Variants in KCNIP4 observed in about 807,000 individuals in gnomAD.
KCNIP4 encodes the protein potassium voltage-gated channel interacting protein 4.
Under a neutral mutation model 34.0 loss-of-function variants are expected in KCNIP4, and 12 were observed. The observed-to-expected ratio is 0.35, with a 90% CI of 0.23 to 0.57. The LOEUF (loss-of-function observed/expected upper bound fraction) is 0.57. Ranked by LOEUF, KCNIP4 falls within the 20% of genes least tolerant of loss-of-function variation. KCNIP4 has a pLI of 0.83. For synonymous variants in KCNIP4, 124 were observed against 102.2 expected, an observed-to-expected ratio of 1.21 and a Z score of -1.29; for missense variants, 238 against 311.7, an observed-to-expected ratio of 0.76 and a Z score of 1.78.
intron 1 of KCNIP4, among the ~76,000 whole-genome samples, chr4:21,782,794 A>C (rs1309614684): frequency 6.6e-6 from 1 of 152,252 alleles, no homozygotes; most frequent in African/African-American, 2.4e-5. Flanking sequence ...TGAACAGTTA[A>C]ACAAATTGCA....
intron 1 of KCNIP4, among the ~76,000 whole-genome samples, chr4:21,389,249 G>C (rs35627259): frequency 6.6e-6 from 1 of 151,920 alleles, no homozygotes; most frequent in Non-Finnish European, 1.5e-5. Context: ...CCAAAGTGCC[G>C]GGATTACAAG....
At chr4:21,022,942 C>T (rs1347342610) in intron 1 of KCNIP4, among the ~76,000 whole-genome samples, 1 of 152,116 alleles carries the variant, frequency 6.6e-6, no homozygotes, top group African/African-American at 2.4e-5. Context: ...TCCGCCTCAG[C>T]CTCCTGAGTA....
intron 1 of KCNIP4, among the ~76,000 whole-genome samples, chr4:21,135,132 A>C (rs776343760): frequency 6.6e-6 from 1 of 152,216 alleles, no homozygotes; most frequent in African/African-American, 2.4e-5. Flanking sequence ...CAAAATGGAC[A>C]TTTTAGAAAA....
At chr4:21,103,070 G>A (rs934731149) in intron 1 of KCNIP4, among the ~76,000 whole-genome samples, 1 of 151,720 alleles carries the variant, frequency 6.6e-6, no homozygotes, top group Non-Finnish European at 1.5e-5. Flanking sequence ...TTACTGGTAG[G>A]GCTTTTAAAA....
chr4:21,558,526 C>T (rs1400105293), intron 1 of KCNIP4, among the ~76,000 whole-genome samples: 2 of 88,870 alleles, frequency 2.3e-5, no homozygotes, highest in Non-Finnish European at 5.1e-5. Context: ...ATAAATAAAA[C>T]AAAATAAATG....
At chr4:21,067,429 T>G (rs1000791473) in intron 1 of KCNIP4, among the ~76,000 whole-genome samples, 3 of 151,830 alleles carry the variant, frequency 2.0e-5, no homozygotes, top group African/African-American at 7.3e-5. Context: ...TCAGTTACAG[T>G]GAGATAGAGT....
intron 1 of KCNIP4, among the ~76,000 whole-genome samples, chr4:21,091,871 T>A (rs1747027038): frequency 6.6e-6 from 1 of 152,164 alleles, no homozygotes; most frequent in South Asian, 2.1e-4. Context: ...ATTATCACAT[T>A]GAAGGTTTGA....
intron 1 of KCNIP4, among the ~76,000 whole-genome samples, chr4:21,107,966 T>C (rs6813263): frequency 0.017 from 2,616 of 151,524 alleles, 178 homozygotes; most frequent in African/African-American, 0.06. Flanking sequence ...TGCCGAGAAA[T>C]CTGCTGTTAG....
chr4:21,828,106 T>A (rs1722776116), intron 1 of KCNIP4, among the ~76,000 whole-genome samples: 2 of 150,660 alleles, frequency 1.3e-5, no homozygotes. Flanking sequence ...CTATTAATAG[T>A]ATGAGAAAAT....
At chr4:20,936,628 C>T (rs1731093872) in intron 1 of KCNIP4, among the ~76,000 whole-genome samples, 1 of 152,078 alleles carries the variant, frequency 6.6e-6, no homozygotes, top group Admixed American at 6.6e-5. Context: ...TCAGACTGTA[C>T]AATACTCTCC....
intron 3 of KCNIP4, among the ~76,000 whole-genome samples, chr4:20,806,646 A>G (rs1005695867): frequency 6.6e-6 from 1 of 152,114 alleles, no homozygotes; most frequent in Non-Finnish European, 1.5e-5. Context: ...GTTGGGAGGT[A>G]AAACAGAACC....
chr4:21,683,569 C>T lies in KCNIP4; in HGVS notation c.61+265002G>A, dbSNP rs1428251271. On this transcript the variant is annotated intron_variant, in intron 1 of 8. Transcript: ENST00000382152. ...CTGCAAGCTCCACCTCCCGGGTTCA[C>T]GCCATTCTCCTGCCTCAGCCTCCCA... Among the ~76,000 whole-genome samples the T allele has an allele frequency of 2.7e-5, 4 of 146,792 alleles. No homozygotes were observed. The South Asian group carries it at 6.5e-4, about 24-fold the overall frequency.
intron 1 of KCNIP4, among the ~76,000 whole-genome samples, chr4:21,356,614 G>A (rs981376584): frequency 2.6e-5 from 4 of 152,142 alleles, no homozygotes; most frequent in South Asian, 2.1e-4. Flanking sequence ...TGCAAGGGAT[G>A]TGAAGGACCT....
At chr4:20,974,897 A>C (rs1246408236) in intron 1 of KCNIP4, among the ~76,000 whole-genome samples, 1 of 152,244 alleles carries the variant, frequency 6.6e-6, no homozygotes, top group Non-Finnish European at 1.5e-5. Flanking sequence ...TATGATGACT[A>C]TGCAAAGCAA....
chr4:21,864,368 G>C lies in KCNIP4; in HGVS notation c.61+84203C>G, dbSNP rs138661115. ...ATCACATTTTATTTTGTCTCATACTGATACAAACATGCTTCTCCATAACAA... is the reference window on the plus strand; with the variant it reads ...ATCACATTTTATTTTGTCTCATACTCATACAAACATGCTTCTCCATAACAA... On this transcript the variant is annotated intron_variant, in intron 1 of 8. Coordinates refer to ENST00000382152, the MANE Select transcript of KCNIP4 (RefSeq NM_025221.6). 8.7e-3 allele frequency among the ~76,000 whole-genome samples: 1,323 copies of C among 152,236 alleles called. 15 individuals are homozygous for C. The highest frequency in any genetic ancestry group is 0.032 in the South Asian group (155 of 4,830).
intron 1 of KCNIP4, among the ~76,000 whole-genome samples, chr4:20,947,009 C>T (rs745579661): frequency 6.6e-6 from 1 of 152,108 alleles, no homozygotes; most frequent in Admixed American, 6.6e-5. Flanking sequence ...CAGCTGTGAA[C>T]GTCCTCTTCT....
At chr4:21,407,361 T>G (rs1724081594) in intron 1 of KCNIP4, among the ~76,000 whole-genome samples, 1 of 152,114 alleles carries the variant, frequency 6.6e-6, no homozygotes, top group Non-Finnish European at 1.5e-5. Flanking sequence ...CTTCCTCATT[T>G]TACTCATAAT....
At chr4:21,613,897 C>G (rs891551710) in intron 1 of KCNIP4, among the ~76,000 whole-genome samples, 55 of 151,876 alleles carry the variant, frequency 3.6e-4, no homozygotes, top group African/African-American at 1.2e-3. Flanking sequence ...GTAAGCCCAG[C>G]ACTTTGGGAG....
intron 1 of KCNIP4, among the ~76,000 whole-genome samples, chr4:21,937,377 A>T (rs1383414586): frequency 6.6e-6 from 1 of 151,662 alleles, no homozygotes; most frequent in Non-Finnish European, 1.5e-5. Context: ...TTCCATTCCC[A>T]CTGCCTTTAC....
Sources: gnomAD v4.1 joint callset for allele counts (sites outside exome capture counted in the v4.1 genomes callset) on GRCh38, gnomAD v4.1.1 for gene constraint, MANE v1.5 for transcripts, NCBI Gene and HGNC (gene_info 2026-07-23, HGNC 2026-07-21) for gene names.